The following NPR3 variants were observed in gnomAD, a reference collection of about 807,000 sequenced individuals.
The protein encoded by NPR3 is atrial natriuretic peptide receptor 3.
NPR3 carries 34 observed loss-of-function variants against 54.5 expected under a neutral mutation model. The observed-to-expected ratio is 0.62, with a 90% CI of 0.47 to 0.83. The LOEUF (loss-of-function observed/expected upper bound fraction) is 0.83, where lower values mean the gene tolerates loss of function less well. NPR3 is among the 40% of genes least tolerant of loss of function. The pLI, the probability that NPR3 is intolerant of heterozygous loss-of-function variation, is 0.00. For missense variants in NPR3, 674 were observed against 720.8 expected (o/e 0.94, Z 0.74); for synonymous variants, 289 against 297.1 (o/e 0.97, Z 0.28).
chr5:32,707,235 A>G (rs111653399), upstream of NPR3, among the ~76,000 whole-genome samples: 12 of 152,306 alleles, frequency 7.9e-5, no homozygotes, highest in African/African-American at 2.4e-4. Flanking sequence ...TGTGTTTTCA[A>G]AAGAACCCCT....
rs1486508421 is a variant in NPR3 at position 32,735,085 on chromosome 5, C to T, written c.893-3779C>T. ...CAGCCCCTGGTTTCTAATTTGGAGC[C>T]GTGTGGAAATGACACCCAGCACGGT... On this transcript the variant is annotated intron_variant, in intron 2 of 7. Coordinates refer to ENST00000265074, the MANE Select transcript of NPR3 (RefSeq NM_001204375.2). 2.0e-5 allele frequency among the ~76,000 whole-genome samples: 3 copies of T among 152,218 alleles called. No homozygotes were observed. The East Asian group carries it at 5.8e-4, about 29-fold the overall frequency.
chr5:32,744,028 C>G (rs1243529667), intron 3 of NPR3, among the ~76,000 whole-genome samples: 1 of 124,440 alleles, frequency 8.0e-6, no homozygotes, highest in Non-Finnish European at 1.6e-5. Context: ...GAGTCTTGCT[C>G]TGTCGCCAGG....
upstream of NPR3, among the ~76,000 whole-genome samples, chr5:32,705,351 A>G (rs775626885): frequency 6.6e-6 from 1 of 152,238 alleles, no homozygotes; most frequent in Non-Finnish European, 1.5e-5. Flanking sequence ...GTATTAGTCT[A>G]TTCTCACACT....
chr5:32,692,622 C>T (rs942401982), intron 1 of NPR3, among the ~76,000 whole-genome samples: 5 of 152,168 alleles, frequency 3.3e-5, no homozygotes, highest in African/African-American at 1.2e-4. Context: ...CTATTTTAGT[C>T]TCATGCATCA....
At position 32,786,246 on chromosome 5, in the gene NPR3, A is replaced by G; in HGVS notation, c.1527A>G (p.Arg509=). ...TCCCTTTACCCAGGAAGAAATACAGAATAACCATTGAGAGGCGAACCCAGC... is the reference window on the plus strand; with the variant it reads ...TCCCTTTACCCAGGAAGAAATACAGGATAACCATTGAGAGGCGAACCCAGC... ...MAFYFFRKKY[R]ITIERRTQQE... Residue 509 remains arginine (R), a synonymous_variant, in exon 8 of 8, where the codon AGA becomes AGG. Coordinates refer to ENST00000265074, the MANE Select transcript of NPR3 (RefSeq NM_001204375.2). 1 of 1,457,554 alleles carries G rather than the reference A, an allele frequency of 6.9e-7. No individual in the cohort carries two copies. The highest frequency in any genetic ancestry group is 9.5e-7 in the Non-Finnish European group (1 of 1,049,216). 90.3% of individuals were successfully genotyped at this position (1,457,554 alleles called of 1,614,324 possible).
chr5:32,780,819 G>T lies in NPR3; in HGVS notation c.1290+3G>T. Reference sequence around the variant, plus strand: ...ATGTGGAGGCGGGCACCCAGGAGGTGAGCACGTGAGACCTCTGCACCAGTT... The same window carrying T: ...ATGTGGAGGCGGGCACCCAGGAGGTTAGCACGTGAGACCTCTGCACCAGTT... On this transcript the variant is annotated splice_donor_region_variant and intron_variant, in intron 5 of 7. Coordinates refer to ENST00000265074, the MANE Select transcript of NPR3 (RefSeq NM_001204375.2). 1.5e-6 allele frequency: 2 copies of T among 1,357,066 alleles called. No homozygotes were observed. Among genetic ancestry groups the T allele is most frequent in the South Asian group, 1.2e-5 (1 of 85,962 alleles). 84.1% of individuals were successfully genotyped at this position (1,357,066 alleles called of 1,614,324 possible).
chr5:32,729,032 TTTG>T (rs1160840754), intron 2 of NPR3, among the ~76,000 whole-genome samples: 17 of 95,158 alleles, frequency 1.8e-4, no homozygotes, highest in South Asian at 3.5e-4. Flanking sequence ...TTTTTTTTGT[TTTG>T]TTTTTTTTTT....
At chr5:32,769,597 T>C (rs1185328207) in intron 3 of NPR3, among the ~76,000 whole-genome samples, 2 of 152,220 alleles carry the variant, frequency 1.3e-5, no homozygotes, top group Non-Finnish European at 2.9e-5. Context: ...GTTTCCCTCC[T>C]TTGCACTGGG....
chr5:32,707,951 C>G (rs534293625), upstream of NPR3, among the ~76,000 whole-genome samples: 1 of 148,082 alleles, frequency 6.8e-6, no homozygotes, highest in South Asian at 2.2e-4. Flanking sequence ...TTATAGAAAA[C>G]TTGCCACCTT....
intron 1 of NPR3, among the ~76,000 whole-genome samples, chr5:32,693,622 G>A (rs1231995803): frequency 6.6e-6 from 1 of 152,146 alleles, no homozygotes; most frequent in Admixed American, 6.5e-5. Context: ...GCTGTAACAC[G>A]ATTGGCTATC....
chr5:32,772,550 G>A (rs893462408), intron 3 of NPR3, among the ~76,000 whole-genome samples: 8 of 152,200 alleles, frequency 5.3e-5, no homozygotes, highest in African/African-American at 1.9e-4. Flanking sequence ...ACTGTCTAGG[G>A]CACAAACAAC....
At chr5:32,784,690 G>C (rs775078093) in intron 6 of NPR3, 106 bp from the exon 7 acceptor site, 36 of 813,344 alleles carry the variant, frequency 4.4e-5, no homozygotes, top group Non-Finnish European at 6.3e-5. Flanking sequence ...AAAAGGAAAA[G>C]TTGCCTCCAA....
At chr5:32,771,132 C>T (rs562292568) in intron 3 of NPR3, among the ~76,000 whole-genome samples, 1 of 152,052 alleles carries the variant, frequency 6.6e-6, no homozygotes, top group Non-Finnish European at 1.5e-5. Context: ...GGCTTTCTTC[C>T]CACTAAAAAT....
intron 3 of NPR3, 87 bp from the exon 4 acceptor site, chr5:32,774,621 A>G (rs1412904527): frequency 1.0e-5 from 10 of 999,306 alleles, no homozygotes; most frequent in Non-Finnish European, 1.6e-5. Context: ...CCTGAAGTCT[A>G]ACTTGTTAAC....
chr5:32,748,614 A>C (rs1471805980), intron 3 of NPR3, among the ~76,000 whole-genome samples: 2 of 152,188 alleles, frequency 1.3e-5, no homozygotes, highest in Non-Finnish European at 2.9e-5. Flanking sequence ...CTAGTCTCCC[A>C]CCAGTGCTTC....
At chr5:32,785,782 G>T (rs1209081659) in intron 7 of NPR3, among the ~76,000 whole-genome samples, 1 of 152,218 alleles carries the variant, frequency 6.6e-6, no homozygotes, top group Non-Finnish European at 1.5e-5. Context: ...AATCTTTGGT[G>T]GTTGAGTTTG....
chr5:32,700,730 C>T (rs147310488), intron 1 of NPR3, among the ~76,000 whole-genome samples: 203 of 152,246 alleles, frequency 1.3e-3, no homozygotes, highest in African/African-American at 4.4e-3. Flanking sequence ...ATGAACTCAT[C>T]GTTTTTTATG....
rs1169153586 is a variant in NPR3, at chr5:32,711,449, G to A, written c.-328G>A. ...AACCTTAGCAACGCCCAAATAAGAAGCCACCTCTAAGCAAAATAGTATATG... is the reference window on the plus strand; with the variant it reads ...AACCTTAGCAACGCCCAAATAAGAAACCACCTCTAAGCAAAATAGTATATG... On this transcript the variant is annotated 5_prime_UTR_variant, in exon 1 of 8. Transcript: ENST00000265074. 21 of 1,072,668 alleles carry A rather than the reference G, an allele frequency of 2.0e-5. No homozygotes were observed. The highest frequency in any genetic ancestry group is 2.4e-5 in the Non-Finnish European group (21 of 888,612). The allele number at this position is 1,072,668 out of a possible 1,614,324, so 66.4% of individuals were successfully genotyped here.
upstream of NPR3, among the ~76,000 whole-genome samples, chr5:32,707,976 C>T (rs114033447): frequency 1.4e-5 from 2 of 147,186 alleles, no homozygotes; most frequent in African/African-American, 5.1e-5. Flanking sequence ...TAGTAGCTTG[C>T]CACCTTATTG....
Sources: allele counts gnomAD v4.1 joint callset (sites outside exome capture counted in the v4.1 genomes callset), GRCh38; gene constraint gnomAD v4.1.1; transcripts MANE v1.5; gene names NCBI Gene and HGNC (gene_info 2026-07-23, HGNC 2026-07-21).